PI4KA: variants seen among roughly 807,000 people sequenced by gnomAD.
PI4KA encodes the protein PI4-kinase alpha.
A neutral mutation model predicts 271.4 loss-of-function variants in PI4KA; 122 were observed. The ratio of observed to expected loss-of-function variants is 0.45; its 90% confidence interval spans 0.39 to 0.52. The LOEUF (loss-of-function observed/expected upper bound fraction) is 0.52, where lower values mean the gene tolerates loss of function less well. Among genes scored for constraint, PI4KA ranks in the 20% least tolerant of loss-of-function variants. The probability of loss-of-function intolerance (pLI) is 0.00; values close to 1 mark genes in which losing one functional copy is unlikely to be tolerated. For missense variants in PI4KA, 1,969 were observed against 2,769.1 expected (o/e 0.71, Z 6.48); for synonymous variants, 1,041 against 1,078.8 (o/e 0.96, Z 0.69).
chr22:20,708,273 C>T (rs980376375), intron 54 of PI4KA, among the ~76,000 whole-genome samples, 175 bp from the exon 55 acceptor site: 4 of 152,182 alleles, frequency 2.6e-5, no homozygotes, highest in African/African-American at 9.7e-5. Flanking sequence ...TGCTCCAACC[C>T]GGGGGACTCC....
In PI4KA at chr22:20,733,081, G is replaced by A. The variant is rs1470815111; in HGVS notation, c.4178C>T (p.Pro1393Leu). 3 of 1,612,006 alleles carry A rather than the reference G, an allele frequency of 1.9e-6. No homozygotes were observed. Among genetic ancestry groups the A allele is most frequent in the Non-Finnish European group, 2.5e-6 (3 of 1,179,848 alleles). The part of the protein sequence containing the change: ...FDYFSCPPKF[P>L]TQGEKRLRED... ...ACGCAGCCGCTTCTCTCCTTGAGTAGGGAACTTTGGGGGACAGCTTCAAAC... is the reference window on the plus strand; with the variant it reads ...ACGCAGCCGCTTCTCTCCTTGAGTAAGGAACTTTGGGGGACAGCTTCAAAC... The change falls in exon 36 of 55, where the codon CCT becomes CTT. Residue 1393 changes from proline to leucine, a missense_variant. By Grantham distance (98) the Pro-to-Leu change is moderately conservative. This residue lies in a region of PI4KA where 72 missense variants were observed against 103.1 expected (regional missense o/e 0.70). Transcript: ENST00000255882.
At chr22:20,768,333 A>G (rs914178228) in intron 19 of PI4KA, among the ~76,000 whole-genome samples, 1 of 152,142 alleles carries the variant, frequency 6.6e-6, no homozygotes, top group Non-Finnish European at 1.5e-5. Flanking sequence ...TGGCCTCCCC[A>G]AGTGTTGGAA....
chr22:20,752,757 G>T, intron 25 of PI4KA, 146 bp downstream of exon 25: 2 of 788,990 alleles, frequency 2.5e-6, no homozygotes, highest in Non-Finnish European at 4.2e-6. Context: ...CACAGACATT[G>T]GAGGGAGGCT....
intron 7 of PI4KA, among the ~76,000 whole-genome samples, chr22:20,816,655 A>G (rs1286634502): frequency 6.6e-6 from 1 of 152,180 alleles, no homozygotes; most frequent in Non-Finnish European, 1.5e-5. Flanking sequence ...AGTCCAAGTA[A>G]AACAGGTAGT....
chr22:20,717,436 G>C (rs1158583072), intron 45 of PI4KA, among the ~76,000 whole-genome samples: 1 of 152,394 alleles, frequency 6.6e-6, no homozygotes, highest in East Asian at 1.9e-4. Context: ...TAGAGTAACA[G>C]CTACTGAGGT....
At chr22:20,718,198 G>T (rs904014652) in intron 44 of PI4KA, among the ~76,000 whole-genome samples, 13 of 152,222 alleles carry the variant, frequency 8.5e-5, no homozygotes, top group African/African-American at 2.9e-4. Context: ...AGACAGCCCA[G>T]CCAGCGTGCC....
intron 35 of PI4KA, among the ~76,000 whole-genome samples, chr22:20,733,433 G>A (rs531377700): frequency 6.7e-6 from 1 of 149,202 alleles, no homozygotes; most frequent in East Asian, 1.9e-4. Context: ...GCAATTCTTC[G>A]TGCAATAAGC....
intron 35 of PI4KA, among the ~76,000 whole-genome samples, 189 bp from the exon 36 acceptor site, chr22:20,733,287 T>G (rs1428941991): frequency 2.0e-5 from 3 of 149,978 alleles, no homozygotes; most frequent in Admixed American, 2.0e-4. Context: ...AGCCCTCTTA[T>G]GCCCTCCTCC....
chr22:20,836,459 A>C (rs990810637), intron 2 of PI4KA, among the ~76,000 whole-genome samples: 2 of 152,236 alleles, frequency 1.3e-5, no homozygotes, highest in African/African-American at 4.8e-5. Flanking sequence ...ACAAAACTCC[A>C]TAAGGCCTGA....
At chr22:20,848,951 TTTATC>T (rs894609574) in intron 1 of PI4KA, among the ~76,000 whole-genome samples, 37 of 152,196 alleles carry the variant, frequency 2.4e-4, no homozygotes, top group African/African-American at 8.4e-4. Context: ...TTAAGAAACT[TTTATC>T]TAAAATAAAG....
intron 12 of PI4KA, among the ~76,000 whole-genome samples, chr22:20,803,677 A>G (rs1382055594): frequency 6.6e-6 from 1 of 152,092 alleles, no homozygotes. Flanking sequence ...GGCACACACC[A>G]TCATCCCTAA....
At chr22:20,803,160 A>G in intron 13 of PI4KA, 31 bp downstream of exon 13, 1 of 1,611,872 alleles carries the variant, frequency 6.2e-7, no homozygotes, top group Non-Finnish European at 8.5e-7. Context: ...CCCCTTTCTC[A>G]GGGCCTGAAG....
At chr22:20,815,750 TA>T (rs1921716847) in intron 7 of PI4KA, among the ~76,000 whole-genome samples, 1 of 151,936 alleles carries the variant, frequency 6.6e-6, no homozygotes, top group Non-Finnish European at 1.5e-5. Flanking sequence ...ACAGCCGGAT[TA>T]AAAAGGGTAG....
At chr22:20,807,726 C>G (rs1935749085) in intron 9 of PI4KA, among the ~76,000 whole-genome samples, 1 of 152,112 alleles carries the variant, frequency 6.6e-6, no homozygotes, top group Non-Finnish European at 1.5e-5. Context: ...CTTGCTGTGG[C>G]TGAAGCTCAC....
chr22:20,807,161 G>C (rs946104457), intron 10 of PI4KA, among the ~76,000 whole-genome samples: 7 of 152,182 alleles, frequency 4.6e-5, no homozygotes, highest in African/African-American at 1.7e-4. Flanking sequence ...CATCATCGAT[G>C]GTACCGGGGT....
intron 30 of PI4KA, 39 bp downstream of exon 30, chr22:20,744,589 C>A (rs2147295506): frequency 1.4e-6 from 2 of 1,450,056 alleles, no homozygotes; most frequent in Non-Finnish European, 9.7e-7. Context: ...AACAAGAGGA[C>A]ACGTTAAAGG....
chr22:20,732,980 C>CA lies in PI4KA; in HGVS notation c.4278dup (p.Val1427CysfsTer5). The CA allele has an allele frequency of 6.2e-7, 1 of 1,611,512 alleles. No individual in the cohort carries two copies. Among genetic ancestry groups the CA allele is most frequent in the Non-Finnish European group, 8.5e-7 (1 of 1,179,416 alleles). On this transcript the variant is annotated frameshift_variant, in exon 36 of 55. Transcript: ENST00000255882. LOFTEE classifies it high-confidence loss of function. Reference sequence around the variant, plus strand: ...CACTGTTGAGGGTTACCTGGGGGAACAAGCTGGCTGGCGGTCAGGTACTTC... The same window carrying CA: ...CACTGTTGAGGGTTACCTGGGGGAACAAAGCTGGCTGGCGGTCAGGTACTTC...
At position 20,707,940 on chromosome 22, in the gene PI4KA, G is replaced by A; in HGVS notation, c.*107C>T. 1 of 1,015,764 alleles carries A rather than the reference G, an allele frequency of 9.8e-7. No homozygotes were observed. The highest frequency in any genetic ancestry group is 1.6e-6 in the Non-Finnish European group (1 of 635,426). 62.9% of individuals were successfully genotyped at this position (1,015,764 alleles called of 1,614,324 possible). A position where few individuals can be genotyped will look rare whatever the true frequency, so the allele number is the denominator to read the frequency against. ...CGCTACCAGGTTCTTTGGGCCACAG[G>A]CCTCTCCTCCACTGCATGTGGCGGC... On this transcript the variant is annotated 3_prime_UTR_variant, in exon 55 of 55. Coordinates refer to ENST00000255882, the MANE Select transcript of PI4KA (RefSeq NM_058004.4).
chr22:20,740,257 A>G (rs1043709970), intron 32 of PI4KA, among the ~76,000 whole-genome samples: 45 of 151,816 alleles, frequency 3.0e-4, no homozygotes, highest in African/African-American at 1.1e-3. Flanking sequence ...GTGAACTGGT[A>G]TACAGGTTAA....
Sources: allele counts gnomAD v4.1 joint callset (sites outside exome capture counted in the v4.1 genomes callset), GRCh38; gene constraint gnomAD v4.1.1; regional missense constraint gnomAD v4.1.1; transcripts MANE v1.5; gene names NCBI Gene and HGNC (gene_info 2026-07-23, HGNC 2026-07-21).